Variants in KIAA0408 observed in about 807,000 individuals in gnomAD.
The protein encoded by KIAA0408 is KIAA0408.
A neutral mutation model predicts 60.9 loss-of-function variants in KIAA0408; 51 were observed. That is an observed-to-expected ratio of 0.84 (90% CI 0.67 to 1.06). The LOEUF is 1.06. Among genes scored for constraint, KIAA0408 ranks in the 50% least tolerant of loss-of-function variants. The pLI, the probability that KIAA0408 is intolerant of heterozygous loss-of-function variation, is 0.00. For missense variants in KIAA0408, 787 were observed against 833.9 expected (o/e 0.94, Z 0.69); for synonymous variants, 304 against 282.4 (o/e 1.08, Z -0.77).
In KIAA0408 at chr6:127,444,287, G is replaced by T; in HGVS notation, c.1912-5C>A. ...GGCGTTCACTGACATGGATTCCTAG[G>T]ACACAAGTAAAAACATTCCTCTCAC... On this transcript the variant is annotated splice_polypyrimidine_tract_variant and splice_region_variant and intron_variant, in intron 5 of 5. Transcript: ENST00000483725. 6.4e-7 allele frequency: 1 copy of T among 1,567,310 alleles called. No individual in the cohort carries two copies. Among genetic ancestry groups the T allele is most frequent in the Non-Finnish European group, 8.6e-7 (1 of 1,158,906 alleles).
At chr6:127,451,290 C>T (rs754158985) in intron 2 of KIAA0408, 8 of 455,570 alleles carry the variant, frequency 1.8e-5, no homozygotes, top group Non-Finnish European at 3.1e-5. Flanking sequence ...ACCGATAACT[C>T]AGTTGAGAGA....
In KIAA0408 at chr6:127,446,852, G is replaced by A. The variant is rs777777621; in HGVS notation, c.1467C>T (p.Asn489=). ...TGGTTTTCCAAATACCGGACACATC[G>A]TTACTTTGTGATATGCTACCTGTGT... The part of the protein sequence containing the change: ...STHTGSISQS[N]DVSGIWKTNA... The change falls in exon 5 of 6, where the codon AAC becomes AAT. Residue 489 remains asparagine, a synonymous_variant. Transcript: ENST00000483725. The A allele has an allele frequency of 8.1e-6, 13 of 1,613,730 alleles. No homozygotes were observed. The highest frequency in any genetic ancestry group is 2.7e-5 in the African/African-American group (2 of 74,906).
At position 127,441,972 on chromosome 6, in the gene KIAA0408, A is replaced by T. The variant is rs1226170987; in HGVS notation, c.*2137T>A. On this transcript the variant is annotated 3_prime_UTR_variant, in exon 6 of 6. Transcript: ENST00000483725. ...AATTGTGAAGTCTGAAAGTATAGCC[A>T]TTCTAATTTACAGATAACAAAGGCA... 1 of 152,228 alleles carries T rather than the reference A, an allele frequency of 6.6e-6. No homozygotes were observed. The highest frequency in any genetic ancestry group is 1.5e-5 in the Non-Finnish European group (1 of 68,038). The allele number at this position is 152,228 out of a possible 1,614,324, so 9.4% of individuals were successfully genotyped here. A position where few individuals can be genotyped will look rare whatever the true frequency, so the allele number is the denominator to read the frequency against.
rs1773078533 is a variant in KIAA0408 at position 127,439,961 on chromosome 6, C to T, written c.*4148G>A. 1 of 152,166 alleles carries T rather than the reference C, an allele frequency of 6.6e-6. No homozygotes were observed. The highest frequency in any genetic ancestry group is 1.5e-5 in the Non-Finnish European group (1 of 68,030). The allele number at this position is 152,166 out of a possible 1,614,324, so 9.4% of individuals were successfully genotyped here. A position where few individuals can be genotyped will look rare whatever the true frequency, so the allele number is the denominator to read the frequency against. On this transcript the variant is annotated 3_prime_UTR_variant, in exon 6 of 6. Coordinates refer to ENST00000483725, the MANE Select transcript of KIAA0408 (RefSeq NM_014702.5). ...AGACCTCTTTGAATCTCAGGTTTCC[C>T]ACCTCTAAATGAACTTGTTCTGAGT... is the stretch of plus-strand genomic sequence containing the variant.
chr6:127,455,773 C>T (rs1480296571), intron 1 of KIAA0408, among the ~76,000 whole-genome samples: 21 of 152,064 alleles, frequency 1.4e-4, no homozygotes, highest in Admixed American at 1.2e-3. Flanking sequence ...TTTGGCCATG[C>T]TCAATTTCTG....
rs1773228696 is a variant in KIAA0408 at position 127,447,704 on chromosome 6, A to C, written c.615T>G (p.Asn205Lys). The C allele has an allele frequency of 6.4e-7, 1 of 1,565,308 alleles. No individual in the cohort carries two copies. Among genetic ancestry groups the C allele is most frequent in the South Asian group, 1.2e-5 (1 of 82,440 alleles). ...GGTCCCCATGAGGTATATTAGTTAC[A>C]TTTGGCATTTCCTGGAGAAAAGAAT... The part of the protein sequence containing the change: ...KSDSFLQEMP[N>K]VTNIPHGDPM... Residue 205 changes from asparagine to lysine, a missense_variant, in exon 5 of 6, where the codon AAT becomes AAG. Around this residue, in one of 3 missense-constraint regions of KIAA0408, gnomAD observed 640 missense variants for 681.3 expected, o/e 0.94. Coordinates refer to ENST00000483725, the MANE Select transcript of KIAA0408 (RefSeq NM_014702.5).
In KIAA0408 at chr6:127,449,830, G is replaced by A. The variant is rs750625400; in HGVS notation, c.570C>T (p.Asn190=). 3.1e-6 allele frequency: 5 copies of A among 1,613,866 alleles called. 1 individual carries two copies. In the South Asian group the frequency reaches 5.5e-5, roughly 18 times the overall value. The change falls in exon 4 of 6, where the codon AAC becomes AAT. Residue 190 remains asparagine (N), a synonymous_variant. Transcript: ENST00000483725. Reference sequence around the variant, plus strand: ...CAGATGTACCAGCCTACCTTCTATGGTTAGACCGCTTTCGAATTTCCTCTT... The same window carrying A: ...CAGATGTACCAGCCTACCTTCTATGATTAGACCGCTTTCGAATTTCCTCTT... ...SFQEEIRKRS[N]HRRMKSDSFL...
chr6:127,453,775 T>C, intron 2 of KIAA0408, 72 bp downstream of exon 2: 3 of 1,542,304 alleles, frequency 1.9e-6, no homozygotes, highest in Non-Finnish European at 2.6e-6. Flanking sequence ...CAGTTTCCAA[T>C]ACAAAACAGC....
chr6:127,456,987 TC>T (rs1191370842), intron 1 of KIAA0408, among the ~76,000 whole-genome samples: 4 of 152,028 alleles, frequency 2.6e-5, no homozygotes, highest in African/African-American at 9.7e-5. Flanking sequence ...TCTCCATCTA[TC>T]CCTCTCCATG....
intron 2 of KIAA0408, among the ~76,000 whole-genome samples, chr6:127,451,829 C>A (rs1408855281): frequency 6.6e-6 from 1 of 152,010 alleles, no homozygotes; most frequent in Non-Finnish European, 1.5e-5. Flanking sequence ...TATGAATCAA[C>A]AAATAACAAT....
chr6:127,448,673 G>C (rs182777493), intron 4 of KIAA0408, among the ~76,000 whole-genome samples: 13 of 152,106 alleles, frequency 8.5e-5, no homozygotes, highest in African/African-American at 2.9e-4. Flanking sequence ...AATAAAATGT[G>C]GATAAATACC....
chr6:127,446,931 T>G lies in KIAA0408; in HGVS notation c.1388A>C (p.His463Pro). ...DRNCQAIQQN[H>P]SCSKSSEDLK... ...ATCCTCCGATGATTTTGAGCAGCTG[T>G]GATTTTGCTGTATTGCCTGACAATT... Residue 463 changes from histidine (H) to proline (P), a missense_variant, in exon 5 of 6, where the codon CAC (histidine) becomes CCC (proline). Transcript: ENST00000483725. 6.2e-7 allele frequency: 1 copy of G among 1,614,144 alleles called. No individual in the cohort carries two copies. The highest frequency in any genetic ancestry group is 8.5e-7 in the Non-Finnish European group (1 of 1,180,012).
chr6:127,442,196 A>T lies in KIAA0408; in HGVS notation c.*1913T>A, dbSNP rs1005235722. ...GTGAGATCAGAAATTTCATTTTTTA[A>T]AGAGATCCTCAATATTCTAAGGAAC... is the stretch of plus-strand genomic sequence containing the variant. On this transcript the variant is annotated 3_prime_UTR_variant, in exon 6 of 6. Transcript: ENST00000483725. The T allele has an allele frequency of 3.3e-5, 5 of 152,192 alleles. No individual in the cohort carries two copies. Among genetic ancestry groups the T allele is most frequent in the Non-Finnish European group, 7.3e-5 (5 of 68,040 alleles). 9.4% of individuals were successfully genotyped at this position (152,192 alleles called of 1,614,324 possible).
At position 127,455,490 on chromosome 6, in the gene KIAA0408, G is replaced by A. The variant is rs1773376800; in HGVS notation, c.-120-1389C>T. ...AACATACATATCTGACTAGTAAACA[G>A]TTTTGAATCTGTATTTTTTGAGTCA... On this transcript the variant is annotated intron_variant, in intron 1 of 5. Coordinates refer to ENST00000483725, the MANE Select transcript of KIAA0408 (RefSeq NM_014702.5). 2.0e-5 allele frequency among the ~76,000 whole-genome samples: 3 copies of A among 152,194 alleles called. No homozygotes were observed. The East Asian group carries it at 5.8e-4, about 29-fold the overall frequency.
chr6:127,454,167 T>C (rs903229981), intron 1 of KIAA0408, 66 bp from the exon 2 acceptor site: 2 of 1,261,328 alleles, frequency 1.6e-6, no homozygotes, highest in African/African-American at 3.1e-5. Context: ...TTTTATCATT[T>C]TGTCGAGCCA....
At chr6:127,454,431 T>G (rs914489371) in intron 1 of KIAA0408, among the ~76,000 whole-genome samples, 1 of 151,970 alleles carries the variant, frequency 6.6e-6, no homozygotes, top group East Asian at 1.9e-4. Flanking sequence ...ACAATTCAAA[T>G]GTATGCTCAC....
chr6:127,446,798 A>C lies in KIAA0408; in HGVS notation c.1521T>G (p.Asn507Lys), dbSNP rs1223872221. The stretch of plus-strand genomic sequence containing the variant: ...ATTTCTTGGTGGGATTATCAGGCAC[A>C]TTTTCCATGGGCACAGGCATGTGGG... ...TNAHMPVPME[N>K]VPDNPTKKST... Residue 507 changes from asparagine (N) to lysine (K), a missense_variant, in exon 5 of 6, where the codon AAT becomes AAG. By Grantham distance (94) the Asn-to-Lys change is moderately conservative (BLOSUM62 0). Transcript: ENST00000483725. The C allele has an allele frequency of 6.2e-7, 1 of 1,613,678 alleles. No individual in the cohort carries two copies. Among genetic ancestry groups the C allele is most frequent in the Non-Finnish European group, 8.5e-7 (1 of 1,179,878 alleles).
chr6:127,458,456 A>C (rs1394982775), intron 1 of KIAA0408, among the ~76,000 whole-genome samples: 3 of 152,218 alleles, frequency 2.0e-5, no homozygotes, highest in Non-Finnish European at 4.4e-5. Flanking sequence ...CGTTTCATTT[A>C]ATTATCTTCT....
intron 2 of KIAA0408, chr6:127,450,607 A>C: frequency 2.8e-6 from 1 of 361,586 alleles, no homozygotes; most frequent in Middle Eastern, 8.1e-4. Context: ...ATCATTCAAA[A>C]ATAAAATAAA....
Sources: gnomAD v4.1 joint callset for allele counts (sites outside exome capture counted in the v4.1 genomes callset) on GRCh38, gnomAD v4.1.1 for gene constraint, gnomAD v4.1.1 regional missense constraint, MANE v1.5 for transcripts, NCBI Gene and HGNC (gene_info 2026-07-23, HGNC 2026-07-21) for gene names.